The following NWD1 variants were observed in gnomAD, a reference collection of about 807,000 sequenced individuals.
NWD1 encodes NACHT domain- and WD repeat-containing protein 1.
Under a neutral mutation model 135.1 loss-of-function variants are expected in NWD1, and 129 were observed. The ratio of observed to expected loss-of-function variants is 0.96; its 90% CI spans 0.83 to 1.11. The LOEUF is 1.11. NWD1 is among the 50% of genes least tolerant of loss of function. The pLI is 0.00. For synonymous variants in NWD1, 773 were observed against 786.0 expected (o/e 0.98, Z 0.28); for missense variants, 1,740 against 1,851.3 (o/e 0.94, Z 1.10).
chr19:16,738,860 C>CGTTATATATTATATATAATACGTTATA (rs1568340262), intron 4 of NWD1, among the ~76,000 whole-genome samples: 2 of 130,138 alleles, frequency 1.5e-5, no homozygotes, highest in African/African-American at 6.0e-5. Flanking sequence ...AATACATTAT[C>CGTTATATATTATATATAATACGTTATA]TATAATATAT....
chr19:16,805,042 T>A (rs1230044255), intron 17 of NWD1, among the ~76,000 whole-genome samples: 3 of 151,578 alleles, frequency 2.0e-5, no homozygotes, highest in African/African-American at 4.8e-5. Flanking sequence ...TTTTTATTTT[T>A]ATTTTATTTT....
rs1460091017 is a variant in NWD1, at chr19:16,750,090, T to A, written c.1448T>A (p.Leu483His). 1 of 1,613,868 alleles carries A rather than the reference T, an allele frequency of 6.2e-7. No individual in the cohort carries two copies. Among genetic ancestry groups the A allele is most frequent in the Non-Finnish European group, 8.5e-7 (1 of 1,179,986 alleles). ...GTTTTGGACACCTTGCAGCGGGTGCTCCTGGACCCGGAGGCCTACTGGGAG... is the reference window on the plus strand; with the variant it reads ...GTTTTGGACACCTTGCAGCGGGTGCACCTGGACCCGGAGGCCTACTGGGAG... ...LGVLDTLQRV[L>H]LDPEAYWEVK... The change falls in exon 6 of 19, where the codon CTC (leucine) becomes CAC (histidine). Residue 483 changes from leucine (L) to histidine (H), a missense_variant. Transcript: ENST00000524140.
chr19:16,777,050 G>C (rs1387325776), intron 11 of NWD1, among the ~76,000 whole-genome samples: 3 of 76,738 alleles, frequency 3.9e-5, no homozygotes, highest in Admixed American at 1.5e-4. Flanking sequence ...GAACTGGAGG[G>C]AAGAGGGAAG....
At chr19:16,803,263 T>A (rs1011250999) in intron 17 of NWD1, among the ~76,000 whole-genome samples, 1 of 152,088 alleles carries the variant, frequency 6.6e-6, no homozygotes, top group African/African-American at 2.4e-5. Flanking sequence ...AAATGAGATT[T>A]GGGTGGGGAC....
intron 6 of NWD1, among the ~76,000 whole-genome samples, chr19:16,754,693 A>T (rs570045035): frequency 6.7e-6 from 1 of 148,882 alleles, no homozygotes; most frequent in South Asian, 2.1e-4. Context: ...CCATCCATCC[A>T]TCATCTCTAG....
intron 6 of NWD1, among the ~76,000 whole-genome samples, chr19:16,755,913 C>T (rs765517823): frequency 2.6e-5 from 4 of 152,036 alleles, no homozygotes; most frequent in Non-Finnish European, 5.9e-5. Flanking sequence ...TCCCAACGTA[C>T]CTCAAAATTG....
chr19:16,799,796 C>A, intron 16 of NWD1, 90 bp from the exon 17 acceptor site: 1 of 1,268,132 alleles, frequency 7.9e-7, no homozygotes, highest in South Asian at 1.5e-5. Flanking sequence ...GCGTGAGCCA[C>A]CGCGCCTGGC....
At chr19:16,726,720 T>C (rs1047016523) in intron 2 of NWD1, among the ~76,000 whole-genome samples, 1 of 152,184 alleles carries the variant, frequency 6.6e-6, no homozygotes, top group East Asian at 1.9e-4. Context: ...ATTATAGGTG[T>C]GAGCCACTGC....
chr19:16,742,881 C>CTAT (rs34646876), intron 4 of NWD1, among the ~76,000 whole-genome samples: 21,241 of 132,770 alleles, frequency 0.16, 1,714 homozygotes, highest in Admixed American at 0.18. Flanking sequence ...ACTATGTTGC[C>CTAT]TATTATTATT....
intron 2 of NWD1, among the ~76,000 whole-genome samples, chr19:16,728,923 A>T (rs1015483280): frequency 7.1e-6 from 1 of 140,236 alleles, no homozygotes; most frequent in African/African-American, 2.7e-5. Flanking sequence ...CAGCCTGGGC[A>T]ACAGAGCATG....
At chr19:16,793,328 G>A (rs1479558418) in intron 14 of NWD1, among the ~76,000 whole-genome samples, 1 of 152,020 alleles carries the variant, frequency 6.6e-6, no homozygotes, top group Non-Finnish European at 1.5e-5. Context: ...CGACCTCCCG[G>A]GCTCAAGACG....
At chr19:16,780,863 T>G (rs1041841829) in intron 12 of NWD1, among the ~76,000 whole-genome samples, 4 of 152,060 alleles carry the variant, frequency 2.6e-5, no homozygotes, top group Non-Finnish European at 1.5e-5. Flanking sequence ...CTCACTATGT[T>G]GCTGAGGCTG....
At chr19:16,764,932 C>G (rs1368471887) in intron 9 of NWD1, 102 bp from the exon 10 acceptor site, 9 of 1,270,716 alleles carry the variant, frequency 7.1e-6, no homozygotes, top group African/African-American at 1.5e-5. Context: ...TACTGCTGAG[C>G]CTGAGATGCC....
At chr19:16,765,260 A>T in intron 10 of NWD1, 68 bp downstream of exon 10, 2 of 1,440,592 alleles carry the variant, frequency 1.4e-6, no homozygotes, top group East Asian at 2.4e-5. Context: ...TGCTCTCCTC[A>T]TTGAGTCATG....
chr19:16,732,191 TG>T (rs1443483092), intron 3 of NWD1, among the ~76,000 whole-genome samples: 1 of 135,866 alleles, frequency 7.4e-6, no homozygotes, highest in African/African-American at 2.8e-5. Context: ...TACTCCAGCC[TG>T]GGTGACAGAG....
Position 16,797,581 on chromosome 19 carries a change from C to T in NWD1, c.3305-151C>T, listed in dbSNP as rs141855753. 3,730 of 649,080 alleles carry T rather than the reference C, an allele frequency of 5.7e-3. 17 individuals are homozygous for T. The highest frequency in any genetic ancestry group is 8.5e-3 in the Middle Eastern group (19 of 2,240). The allele number at this position is 649,080 out of a possible 1,614,324, so 40.2% of individuals were successfully genotyped here. ...CAGGCTGATCTCGAACTCCTGACCT[C>T]GAGTGATCTGCCCGCCTTGGCGTCC... On this transcript the variant is annotated intron_variant, in intron 15 of 18. Transcript: ENST00000524140.
intron 11 of NWD1, among the ~76,000 whole-genome samples, chr19:16,775,957 G>C (rs1969585912): frequency 6.6e-6 from 1 of 152,184 alleles, no homozygotes; most frequent in South Asian, 2.1e-4. Context: ...TTGAGCCACT[G>C]TGCTCAGCCA....
In NWD1 at chr19:16,765,438, C is replaced by A. The variant is rs369408879; in HGVS notation, c.2410+246C>A. On this transcript the variant is annotated intron_variant, in intron 10 of 18. Transcript: ENST00000524140. ...AGCCTCAGACTCCTGGGTTCAAATG[C>A]TCCTCCCACCTCAGCCTCCTGAGTA... Among the ~76,000 whole-genome samples, 17 of 152,228 alleles carry A rather than the reference C, an allele frequency of 1.1e-4. No individual in the cohort carries two copies. The East Asian group carries it at 2.5e-3, about 23-fold the overall frequency.
Position 16,807,668 on chromosome 19 carries a change from C to G in NWD1, c.3819C>G (p.Gly1273=). 6.2e-7 allele frequency: 1 copy of G among 1,606,234 alleles called. No homozygotes were observed. The highest frequency in any genetic ancestry group is 1.7e-5 in the Admixed American group (1 of 58,810). ...VAEQRKLLFT[G]LVSGVVLVFP... The stretch of plus-strand genomic sequence containing the variant: ...AGCAGCGCAAGCTCCTATTTACGGG[C>G]CTCGTGTCGGGGGTCGTCCTTGTGT... The change falls in exon 18 of 19, where the codon GGC becomes GGG. Residue 1273 remains glycine (G), a synonymous_variant. Transcript: ENST00000524140.
Sources: allele counts gnomAD v4.1 joint callset (sites outside exome capture counted in the v4.1 genomes callset), GRCh38; gene constraint gnomAD v4.1.1; transcripts MANE v1.5; gene names NCBI Gene and HGNC (gene_info 2026-07-23, HGNC 2026-07-21).